The following PLXNA4 variants were observed in gnomAD, a reference collection of about 807,000 sequenced individuals.
PLXNA4 encodes the protein plexin A4.
In PLXNA4, 44 loss-of-function variants were observed where a neutral mutation model predicts 191.8. The ratio of observed to expected loss-of-function variants is 0.23; its 90% confidence interval spans 0.18 to 0.29. The LOEUF is 0.29. PLXNA4 is among the 10% of genes least tolerant of loss of function. The pLI is 1.00. For missense variants in PLXNA4, 1,800 were observed against 2,488.8 expected, an observed-to-expected ratio of 0.72 and a Z score of 5.89; for synonymous variants, 1,082 against 1,009.5, an observed-to-expected ratio of 1.07 and a Z score of -1.36.
intron 3 of PLXNA4, among the ~76,000 whole-genome samples, chr7:132,481,821 C>G (rs1418339390): frequency 1.3e-5 from 2 of 152,180 alleles, no homozygotes; most frequent in African/African-American, 4.8e-5. Context: ...ATGAACGGAG[C>G]ACCTGGGACT....
At chr7:132,283,444 T>C (rs1210602625) in intron 4 of PLXNA4, among the ~76,000 whole-genome samples, 2 of 152,210 alleles carry the variant, frequency 1.3e-5, no homozygotes. Flanking sequence ...ATCCTGGGCA[T>C]TTGTGTGAGC....
In PLXNA4 at chr7:132,145,298, C is replaced by A; in HGVS notation, c.5056-10G>T. The A allele has an allele frequency of 2.5e-6, 4 of 1,614,014 alleles. No individual in the cohort carries two copies. The highest frequency in any genetic ancestry group is 3.4e-6 in the Non-Finnish European group (4 of 1,179,882). On this transcript the variant is annotated splice_polypyrimidine_tract_variant and intron_variant, in intron 28 of 31. Transcript: ENST00000321063. Reference sequence around the variant, plus strand: ...ACTTCTGCAGTGTGCCCTGGAGAGGCAGGATACGTCCAGACACAGCTCGAC... The same window carrying A: ...ACTTCTGCAGTGTGCCCTGGAGAGGAAGGATACGTCCAGACACAGCTCGAC...
At position 132,280,780 on chromosome 7, in the gene PLXNA4, T is replaced by C. The variant is rs556725502; in HGVS notation, c.1503+17311A>G. 1.0e-3 allele frequency among the ~76,000 whole-genome samples: 158 copies of C among 152,290 alleles called. 3 individuals are homozygous for C. In the South Asian group the frequency reaches 0.031, roughly 30 times the overall value. On this transcript the variant is annotated intron_variant, in intron 4 of 31. Transcript: ENST00000321063. ...ATTGTTTTAGAAGGTAACAGAAAAG[T>C]GAAATTCAGAGATTGAGGTAAAGTT...
chr7:132,457,085 T>C (rs891839435), intron 3 of PLXNA4, among the ~76,000 whole-genome samples: 3 of 152,242 alleles, frequency 2.0e-5, no homozygotes, highest in Non-Finnish European at 4.4e-5. Context: ...TTTAGATTTA[T>C]AGCACAATTG....
chr7:132,392,124 G>C lies in PLXNA4; in HGVS notation c.1372-93902C>G, dbSNP rs190508953. On this transcript the variant is annotated intron_variant, in intron 3 of 31. Coordinates refer to ENST00000321063, the MANE Select transcript of PLXNA4 (RefSeq NM_020911.2). ...GCCTGGGCAACAAGAGTGAAACTTGGTCTCAAAAAAAAAAAAGAAAAGATT... is the reference window on the plus strand; with the variant it reads ...GCCTGGGCAACAAGAGTGAAACTTGCTCTCAAAAAAAAAAAAGAAAAGATT... Among the ~76,000 whole-genome samples, 378 of 150,844 alleles carry C rather than the reference G, an allele frequency of 2.5e-3. 1 individual carries two copies. The highest frequency in any genetic ancestry group is 8.7e-3 in the African/African-American group (359 of 41,066).
At chr7:132,536,975 A>G (rs1799864813) in intron 1 of PLXNA4, among the ~76,000 whole-genome samples, 1 of 152,220 alleles carries the variant, frequency 6.6e-6, no homozygotes, top group African/African-American at 2.4e-5. Flanking sequence ...TCTTCCTCCC[A>G]GGAGCATTAG....
chr7:132,615,429 C>T (rs1256428673), intron 2 of PLXNA4, among the ~76,000 whole-genome samples: 2 of 152,178 alleles, frequency 1.3e-5, no homozygotes, highest in African/African-American at 4.8e-5. Flanking sequence ...GCTGGGGCTG[C>T]TCCCACCACC....
intron 2 of PLXNA4, among the ~76,000 whole-genome samples, chr7:132,494,360 G>A (rs1010767606): frequency 6.6e-6 from 1 of 152,150 alleles, no homozygotes; most frequent in African/African-American, 2.4e-5. Flanking sequence ...AAAGTCTTGG[G>A]TGGGGGCTCA....
At chr7:132,361,634 G>T (rs1285316630) in intron 3 of PLXNA4, among the ~76,000 whole-genome samples, 2 of 152,218 alleles carry the variant, frequency 1.3e-5, no homozygotes, top group African/African-American at 4.8e-5. Context: ...AAGGAGGAAA[G>T]GTTAGAGCAG....
intron 3 of PLXNA4, among the ~76,000 whole-genome samples, chr7:132,412,623 T>C (rs1794505407): frequency 6.6e-6 from 1 of 152,216 alleles, no homozygotes; most frequent in Admixed American, 6.5e-5. Context: ...GAGGCAGTGA[T>C]AAGGATCAGG....
At chr7:132,267,017 T>A (rs781559613) in intron 4 of PLXNA4, among the ~76,000 whole-genome samples, 3 of 152,180 alleles carry the variant, frequency 2.0e-5, no homozygotes, top group African/African-American at 2.4e-5. Context: ...ATACAGAGGT[T>A]CCAGTTGAGA....
chr7:132,560,124 T>C (rs183348794), intron 1 of PLXNA4, among the ~76,000 whole-genome samples: 3 of 152,344 alleles, frequency 2.0e-5, no homozygotes, highest in East Asian at 1.9e-4. Flanking sequence ...TTATTCCTAA[T>C]GGGCAAGGTC....
Position 132,127,301 on chromosome 7 carries a change from G to A in PLXNA4, c.*3178C>T, listed in dbSNP as rs1175449942. 1.3e-5 allele frequency: 2 copies of A among 152,080 alleles called. No homozygotes were observed. Among genetic ancestry groups the A allele is most frequent in the African/African-American group, 4.8e-5 (2 of 41,400 alleles). 9.4% of individuals were successfully genotyped at this position (152,080 alleles called of 1,614,324 possible). ...TGTCTGCTCATGACTCAACATAATG[G>A]TGACCCTACAAATTAACTTTGCCTC... is the stretch of plus-strand genomic sequence containing the variant. On this transcript the variant is annotated 3_prime_UTR_variant, in exon 32 of 32. Transcript: ENST00000321063.
At chr7:132,343,472 C>A (rs1332052464) in intron 3 of PLXNA4, among the ~76,000 whole-genome samples, 1 of 152,202 alleles carries the variant, frequency 6.6e-6, no homozygotes, top group Non-Finnish European at 1.5e-5. Context: ...TCCAATGGAG[C>A]ATTTCATAAT....
intron 2 of PLXNA4, among the ~76,000 whole-genome samples, chr7:132,616,502 C>G (rs1233475691): frequency 1.3e-5 from 2 of 152,160 alleles, no homozygotes; most frequent in Non-Finnish European, 2.9e-5. Flanking sequence ...CCAGTGGCCT[C>G]CAAACATTTT....
Position 132,198,504 on chromosome 7 carries a change from C to T in PLXNA4, c.2719G>A (p.Gly907Ser), listed in dbSNP as rs747435244. ...ACTTACTGTTCTGCAGGGATGTAACCATCCACTAAAGGGCTGCACTCCACG... is the reference window on the plus strand; with the variant it reads ...ACTTACTGTTCTGCAGGGATGTAACTATCCACTAAAGGGCTGCACTCCACG... Reference protein sequence around the residue: ...AGVECSPLVDGYIPAEQIVCE... With the variant: ...AGVECSPLVDSYIPAEQIVCE... Residue 907 changes from glycine to serine, a missense_variant, in exon 13 of 32, where the codon GGT becomes AGT. Physicochemically the swap from Gly to Ser is moderately conservative, Grantham distance 56. Around this residue, in one of 6 missense-constraint regions of PLXNA4, gnomAD observed 1,397 missense variants for 1,880.4 expected, o/e 0.74. Coordinates refer to ENST00000321063, the MANE Select transcript of PLXNA4 (RefSeq NM_020911.2). 11 of 1,614,036 alleles carry T rather than the reference C, an allele frequency of 6.8e-6. No individual in the cohort carries two copies. The African/African-American group carries it at 1.3e-4, about 20-fold the overall frequency.
intron 1 of PLXNA4, among the ~76,000 whole-genome samples, chr7:132,554,987 G>T (rs1203160013): frequency 6.9e-6 from 1 of 144,626 alleles, no homozygotes; most frequent in Admixed American, 7.2e-5. Context: ...TTTGAGCCAA[G>T]AGTCTCCTAT....
intron 4 of PLXNA4, among the ~76,000 whole-genome samples, chr7:132,255,492 A>G (rs577791848): frequency 6.6e-6 from 1 of 152,308 alleles, no homozygotes; most frequent in East Asian, 1.9e-4. Flanking sequence ...GGGACAGACA[A>G]CATTCACGTT....
chr7:132,231,712 A>G (rs922234839), intron 5 of PLXNA4, among the ~76,000 whole-genome samples: 25 of 152,242 alleles, frequency 1.6e-4, no homozygotes, highest in Non-Finnish European at 3.1e-4. Context: ...GGCGTGAGCC[A>G]CCATGCCCAG....
Sources: allele counts gnomAD v4.1 joint callset (sites outside exome capture counted in the v4.1 genomes callset), GRCh38; gene constraint gnomAD v4.1.1; regional missense constraint gnomAD v4.1.1; transcripts MANE v1.5; gene names NCBI Gene and HGNC (gene_info 2026-07-23, HGNC 2026-07-21).